PRDM11: variants seen among roughly 807,000 people sequenced by gnomAD.
PRDM11 encodes the protein PR domain-containing protein 11.
In PRDM11, 20 loss-of-function variants were observed where a neutral mutation model predicts 97.8. That is an observed-to-expected ratio of 0.20 (90% CI 0.14 to 0.30). The LOEUF (loss-of-function observed/expected upper bound fraction) is 0.30. PRDM11 is among the 10% of genes least tolerant of loss of function. The pLI, the probability that PRDM11 is intolerant of heterozygous loss-of-function variation, is 1.00. For missense variants in PRDM11, 1,139 were observed against 1,555.2 expected (o/e 0.73, Z 4.50); for synonymous variants, 599 against 637.7 (o/e 0.94, Z 0.91).
intron 1 of PRDM11, among the ~76,000 whole-genome samples, chr11:45,126,319 G>T (rs1414583494): frequency 1.3e-5 from 2 of 151,974 alleles, no homozygotes; most frequent in African/African-American, 4.8e-5. Context: ...TTTAATTGGA[G>T]CATTTAGCCC....
At chr11:45,096,094 C>G (rs1230472344) in intron 1 of PRDM11, among the ~76,000 whole-genome samples, 1 of 152,220 alleles carries the variant, frequency 6.6e-6, no homozygotes, top group African/African-American at 2.4e-5. Context: ...GTGGAAAACT[C>G]TTTATAGCAC....
At chr11:45,130,085 G>GA (rs954347180) in intron 1 of PRDM11, among the ~76,000 whole-genome samples, 9 of 152,084 alleles carry the variant, frequency 5.9e-5, no homozygotes, top group East Asian at 1.9e-4. Flanking sequence ...ATTCATATGG[G>GA]AAAAAAATGA....
chr11:45,218,136 G>A (rs989600382), intron 5 of PRDM11, among the ~76,000 whole-genome samples: 8 of 151,978 alleles, frequency 5.3e-5, no homozygotes, highest in Admixed American at 1.3e-4. Context: ...CATCATTTAC[G>A]AAATCTTATC....
chr11:45,219,758 G>A lies in PRDM11; in HGVS notation c.742+1G>A. Reference sequence around the variant, plus strand: ...ACCATTCACCGCAACCTGGCCAGAGGTGAGTGCCATGCTCCACATGAGCTG... The same window carrying A: ...ACCATTCACCGCAACCTGGCCAGAGATGAGTGCCATGCTCCACATGAGCTG... On this transcript the variant is annotated splice_donor_variant, in intron 6 of 7. Coordinates refer to ENST00000683152, the MANE Select transcript of PRDM11 (RefSeq NM_001384648.1). LOFTEE classifies it high-confidence loss of function. This position sits in a 1 kb window ranked among gnomAD's most constrained non-coding sequence, Gnocchi z 4.2. The A allele has an allele frequency of 6.2e-7, 1 of 1,612,788 alleles. No individual in the cohort carries two copies. The highest frequency in any genetic ancestry group is 8.5e-7 in the Non-Finnish European group (1 of 1,179,478).
intron 5 of PRDM11, among the ~76,000 whole-genome samples, chr11:45,210,087 G>A (rs1853670192): frequency 6.6e-6 from 1 of 152,166 alleles, no homozygotes; most frequent in Non-Finnish European, 1.5e-5. Context: ...GAGACGAGGC[G>A]GCCAAGCTGT....
chr11:45,115,451 A>G (rs947103633), intron 1 of PRDM11, among the ~76,000 whole-genome samples: 2 of 151,858 alleles, frequency 1.3e-5, no homozygotes, highest in Non-Finnish European at 2.9e-5. Context: ...GCCTATACTC[A>G]ACTATGTCAA....
chr11:45,104,744 A>G (rs567504325), intron 1 of PRDM11, among the ~76,000 whole-genome samples: 2 of 152,192 alleles, frequency 1.3e-5, no homozygotes, highest in Admixed American at 6.5e-5. Context: ...CAATACGGCT[A>G]AAGGGACTGG....
In PRDM11 at chr11:45,224,485, C is replaced by T. The variant is rs199875892; in HGVS notation, c.1011C>T (p.Tyr337=). 54 of 1,614,166 alleles carry T rather than the reference C, an allele frequency of 3.3e-5. No homozygotes were observed. In the Middle Eastern group the frequency reaches 4.9e-4, roughly 15 times the overall value. The change falls in exon 7 of 8, where the codon TAC becomes TAT. Residue 337 remains tyrosine, a synonymous_variant. Coordinates refer to ENST00000683152, the MANE Select transcript of PRDM11 (RefSeq NM_001384648.1). ...TGGTCATCAGGAAAGTCCCCAAATACCAGGATGACGCCTACAGTCAGTGTG... is the reference window on the plus strand; with the variant it reads ...TGGTCATCAGGAAAGTCCCCAAATATCAGGATGACGCCTACAGTCAGTGTG... The part of the protein sequence containing the change: ...TSLVIRKVPK[Y]QDDAYSQCAT...
intron 1 of PRDM11, among the ~76,000 whole-genome samples, chr11:45,110,304 T>C (rs1053103614): frequency 1.3e-5 from 2 of 151,810 alleles, no homozygotes; most frequent in Admixed American, 6.6e-5. Flanking sequence ...CCTGAGTACA[T>C]GCCCTTACAG....
intron 1 of PRDM11, among the ~76,000 whole-genome samples, chr11:45,098,563 G>A (rs1851922621): frequency 6.6e-6 from 1 of 152,234 alleles, no homozygotes; most frequent in African/African-American, 2.4e-5. Flanking sequence ...GGCTCGCACA[G>A]CTATGAGGAG....
intron 1 of PRDM11, among the ~76,000 whole-genome samples, chr11:45,131,011 T>A (rs1281599997): frequency 6.6e-6 from 1 of 152,160 alleles, no homozygotes; most frequent in African/African-American, 2.4e-5. Flanking sequence ...CAAATGTCCA[T>A]CAACAGTAAA....
At chr11:45,140,732 G>A (rs979847810) in intron 1 of PRDM11, among the ~76,000 whole-genome samples, 18 of 151,814 alleles carry the variant, frequency 1.2e-4, no homozygotes, top group African/African-American at 4.4e-4. Context: ...TTAGGAGTGT[G>A]TGGCATTCAG....
At chr11:45,123,975 G>A (rs1590355729) in intron 1 of PRDM11, among the ~76,000 whole-genome samples, 1 of 147,080 alleles carries the variant, frequency 6.8e-6, no homozygotes, top group East Asian at 1.9e-4. Flanking sequence ...TCCTACCCAT[G>A]AGCATGGAAT....
chr11:45,155,020 G>A (rs1420110621), intron 1 of PRDM11, among the ~76,000 whole-genome samples: 1 of 152,198 alleles, frequency 6.6e-6, no homozygotes, highest in African/African-American at 2.4e-5. Context: ...AAGGAGCTTG[G>A]GGTAGAAAGG....
chr11:45,134,811 T>C (rs1490915174), intron 1 of PRDM11, among the ~76,000 whole-genome samples: 2 of 151,734 alleles, frequency 1.3e-5, no homozygotes, highest in African/African-American at 4.8e-5. Context: ...CAGCAGCATA[T>C]TAAGGAAGAA....
In PRDM11 at chr11:45,228,098, T is replaced by C; in HGVS notation, c.3473T>C (p.Leu1158Pro). The C allele has an allele frequency of 6.5e-7, 1 of 1,533,788 alleles. No homozygotes were observed. The highest frequency in any genetic ancestry group is 8.7e-7 in the Non-Finnish European group (1 of 1,146,702). The change falls in exon 8 of 8, where the codon CTG becomes CCG. Residue 1158 changes from leucine to proline, a missense_variant. Physicochemically the swap from Leu to Pro is moderately conservative, Grantham distance 98. Transcript: ENST00000683152. ...SAEVLSRMSA[L>P]EQKPALQTMD... is the part of the protein sequence containing the mutation. ...GAAGTCCTCAGTAGGATGTCTGCGC[T>C]GGAGCAGAAGCCAGCACTACAGACC...
intron 4 of PRDM11, among the ~76,000 whole-genome samples, chr11:45,189,682 T>C (rs1451728301): frequency 6.6e-6 from 1 of 152,254 alleles, no homozygotes; most frequent in Non-Finnish European, 1.5e-5. Flanking sequence ...TCAGCTTTTA[T>C]AGTAAATTGA....
chr11:45,205,086 TC>T (rs1042608433), intron 5 of PRDM11, among the ~76,000 whole-genome samples: 3 of 151,930 alleles, frequency 2.0e-5, no homozygotes, highest in African/African-American at 4.8e-5. Context: ...GAGGAGACTG[TC>T]CCCCACCTAG....
intron 4 of PRDM11, among the ~76,000 whole-genome samples, chr11:45,202,479 A>G (rs988886006): frequency 1.3e-5 from 2 of 152,226 alleles, no homozygotes; most frequent in African/African-American, 2.4e-5. Context: ...CTGAGACCCA[A>G]AAGCTAAGAA....
Sources: allele counts gnomAD v4.1 joint callset (sites outside exome capture counted in the v4.1 genomes callset), GRCh38; gene constraint gnomAD v4.1.1; non-coding constraint Gnocchi (gnomAD v3.1); transcripts MANE v1.5; gene names NCBI Gene and HGNC (gene_info 2026-07-23, HGNC 2026-07-21).